Variants in AFDN observed in about 807,000 individuals in gnomAD.
AFDN encodes afadin, adherens junction formation factor.
Under a neutral mutation model 216.6 loss-of-function variants are expected in AFDN, and 68 were observed. That is an observed-to-expected ratio of 0.31 (90% CI 0.26 to 0.38). AFDN has a LOEUF of 0.38. AFDN is among the 10% of genes least tolerant of loss of function. The pLI is 1.00. For synonymous variants in AFDN, 868 were observed against 853.7 expected (o/e 1.02, Z -0.29); for missense variants, 2,136 against 2,342.0 (o/e 0.91, Z 1.82).
At position 167,970,561 on chromosome 6, in the gene AFDN, T is replaced by A. The variant is rs1797958079; in HGVS notation, c.*626T>A. The A allele has an allele frequency of 4.7e-6, 1 of 214,764 alleles. No individual in the cohort carries two copies. Among genetic ancestry groups the A allele is most frequent in the Non-Finnish European group, 9.4e-6 (1 of 106,538 alleles). The allele number at this position is 214,764 out of a possible 1,614,324, so 13.3% of individuals were successfully genotyped here. ...GACGCACGTCCGAGACTGTTCCATC[T>A]CATTCCTCGCAAATTTGAGCTCTTC... On this transcript the variant is annotated 3_prime_UTR_variant, in exon 34 of 34. Coordinates refer to ENST00000683244, the MANE Select transcript of AFDN (RefSeq NM_001386888.1).
At chr6:167,875,756 A>T (rs1479117796) in intron 5 of AFDN, among the ~76,000 whole-genome samples, 1 of 152,130 alleles carries the variant, frequency 6.6e-6, no homozygotes, top group Non-Finnish European at 1.5e-5. Flanking sequence ...GTATATACAA[A>T]AAAAGAGAAA....
chr6:167,872,583 T>C (rs1368733894), intron 4 of AFDN, among the ~76,000 whole-genome samples: 1 of 152,216 alleles, frequency 6.6e-6, no homozygotes, highest in East Asian at 1.9e-4. Flanking sequence ...GTGCCTGTCT[T>C]GCTGTGCTTG....
At chr6:167,888,534 T>A (rs968479893) in intron 6 of AFDN, among the ~76,000 whole-genome samples, 3 of 152,178 alleles carry the variant, frequency 2.0e-5, no homozygotes, top group Admixed American at 1.3e-4. Context: ...CCCACTCTCC[T>A]CCATATTACA....
intron 23 of AFDN, among the ~76,000 whole-genome samples, chr6:167,929,139 G>A (rs1040774958): frequency 1.3e-5 from 2 of 152,022 alleles, no homozygotes; most frequent in African/African-American, 4.8e-5. Flanking sequence ...TAGTATGAAA[G>A]TGGTGTCTAA....
chr6:167,856,293 G>C (rs1252798451), intron 1 of AFDN, among the ~76,000 whole-genome samples: 1 of 151,806 alleles, frequency 6.6e-6, no homozygotes, highest in Non-Finnish European at 1.5e-5. Context: ...CTTTATTATA[G>C]CTTTGTATGT....
chr6:167,959,867 G>A (rs1055071756), intron 30 of AFDN, among the ~76,000 whole-genome samples: 9 of 152,084 alleles, frequency 5.9e-5, no homozygotes, highest in African/African-American at 1.4e-4. Context: ...TTGATTCATC[G>A]GGTAATAGTT....
intron 9 of AFDN, among the ~76,000 whole-genome samples, chr6:167,895,830 A>G (rs965391741): frequency 1.3e-5 from 2 of 152,188 alleles, no homozygotes; most frequent in African/African-American, 4.8e-5. Flanking sequence ...TTTGAAAGTT[A>G]TAAGGCACTC....
At chr6:167,878,766 C>G (rs1785743007) in intron 5 of AFDN, among the ~76,000 whole-genome samples, 1 of 152,194 alleles carries the variant, frequency 6.6e-6, no homozygotes, top group African/African-American at 2.4e-5. Context: ...TCCCCTCGCT[C>G]TGTCCGTACT....
At chr6:167,913,756 G>C (rs1049672727) in intron 16 of AFDN, 19 of 428,008 alleles carry the variant, frequency 4.4e-5, no homozygotes, top group Non-Finnish European at 6.7e-5. Context: ...ATCAGTACTT[G>C]ATACTGAGTT....
intron 13 of AFDN, 78 bp from the exon 14 acceptor site, chr6:167,911,023 C>A: frequency 1.7e-6 from 2 of 1,198,228 alleles, no homozygotes; most frequent in Non-Finnish European, 1.2e-6. Flanking sequence ...AAAGTAGTTG[C>A]AGAAATCTAC....
chr6:167,920,836 A>G (rs955756750), intron 21 of AFDN, among the ~76,000 whole-genome samples: 17 of 152,076 alleles, frequency 1.1e-4, no homozygotes, highest in African/African-American at 3.6e-4. Context: ...TCTTAATTCT[A>G]ATCAGGCGTC....
chr6:167,969,135 C>G lies in AFDN; in HGVS notation c.5279C>G (p.Ser1760Cys), dbSNP rs757945214. 26 of 1,613,700 alleles carry G rather than the reference C, an allele frequency of 1.6e-5. No homozygotes were observed. In the Admixed American group the frequency reaches 4.0e-4, roughly 25 times the overall value. Reference protein sequence around the residue: ...SLAGPNSYPGSTGAAVGAHDA... With the variant: ...SLAGPNSYPGCTGAAVGAHDA... ...AAAGGACCAAACTCTTACCCAGGAT[C>G]TACTGGAGCAGCTGTTGGAGCCCAT... The change falls in exon 33 of 34, where the codon TCT becomes TGT. Residue 1760 changes from serine to cysteine, a missense_variant. Physicochemically the swap from Ser to Cys is moderately radical, Grantham distance 112. Around this residue, in one of 8 missense-constraint regions of AFDN, gnomAD observed 981 missense variants for 966.0 expected, o/e 1.02. Coordinates refer to ENST00000683244, the MANE Select transcript of AFDN (RefSeq NM_001386888.1).
At chr6:167,874,269 G>T (rs1424541450) in intron 4 of AFDN, among the ~76,000 whole-genome samples, 2 of 152,086 alleles carry the variant, frequency 1.3e-5, no homozygotes, top group African/African-American at 4.8e-5. Flanking sequence ...TCTACTTTAT[G>T]ACTCGCTCTA....
chr6:167,838,439 A>G (rs1200181601), intron 1 of AFDN, among the ~76,000 whole-genome samples: 1 of 152,188 alleles, frequency 6.6e-6, no homozygotes, highest in Non-Finnish European at 1.5e-5. Flanking sequence ...ATTAAACAAT[A>G]AACAAAATGT....
intron 23 of AFDN, among the ~76,000 whole-genome samples, chr6:167,937,923 G>C (rs1583478216): frequency 6.6e-6 from 1 of 152,124 alleles, no homozygotes; most frequent in African/African-American, 2.4e-5. Flanking sequence ...ATTCCTTATC[G>C]ATCAATGTTG....
chr6:167,827,346 T>TC (rs201871553), intron 1 of AFDN, 109 bp downstream of exon 1: 99,706 of 118,980 alleles, frequency 0.84, 41,532 homozygotes, highest in East Asian at 0.93. Context: ...CCTTTCCCCC[T>TC]CCCCCCTCCG....
intron 31 of AFDN, among the ~76,000 whole-genome samples, chr6:167,965,453 A>G (rs1184534647): frequency 3.9e-5 from 6 of 152,200 alleles, no homozygotes; most frequent in Non-Finnish European, 5.9e-5. Context: ...GAAAGAAGGA[A>G]AGCAGAGGAG....
At chr6:167,830,112 A>G (rs142700367) in intron 1 of AFDN, among the ~76,000 whole-genome samples, 1 of 152,198 alleles carries the variant, frequency 6.6e-6, no homozygotes, top group Admixed American at 6.5e-5. Context: ...GCTCACAGAA[A>G]CTCCTTAAAG....
chr6:167,833,171 CTTCGGTAGGGTGGAA>C (rs961264770), intron 1 of AFDN, among the ~76,000 whole-genome samples: 9 of 152,170 alleles, frequency 5.9e-5, no homozygotes, highest in Admixed American at 3.3e-4. Flanking sequence ...CCATCTTCCT[CTTCGGTAGGGTGGAA>C]GCAGGCTGAA....
Sources: allele counts gnomAD v4.1 joint callset (sites outside exome capture counted in the v4.1 genomes callset), GRCh38; gene constraint gnomAD v4.1.1; regional missense constraint gnomAD v4.1.1; transcripts MANE v1.5; gene names NCBI Gene and HGNC (gene_info 2026-07-23, HGNC 2026-07-21).